The following HAUS3 variants were observed in gnomAD, a reference collection of about 807,000 sequenced individuals.
HAUS3 encodes HAUS augmin-like complex subunit 3.
Under a neutral mutation model 55.2 loss-of-function variants are expected in HAUS3, and 36 were observed. The ratio of observed to expected loss-of-function variants is 0.65; its 90% confidence interval spans 0.50 to 0.86. The LOEUF (loss-of-function observed/expected upper bound fraction) is 0.86, where lower values mean the gene tolerates loss of function less well. Ranked by LOEUF, HAUS3 falls within the 40% of genes least tolerant of loss-of-function variation. The pLI is 0.00. For synonymous variants in HAUS3, 234 were observed against 238.6 expected, an observed-to-expected ratio of 0.98 and a Z score of 0.18; for missense variants, 752 against 671.5, an observed-to-expected ratio of 1.12 and a Z score of -1.33.
chr4:2,242,098 T>G lies in HAUS3; in HGVS notation c.-466A>C. On this transcript the variant is annotated 5_prime_UTR_variant, in exon 1 of 6. Transcript: ENST00000443786. ...TCGCAGGAGCCCGCCGCCACCGCCC[T>G]CCGTGCCCCGCGCGCCTCGCACTGC... The G allele has an allele frequency of 1.2e-5, 12 of 985,868 alleles. No individual in the cohort carries two copies. Among genetic ancestry groups the G allele is most frequent in the Middle Eastern group, 1.0e-3 (2 of 1,918 alleles). The allele number at this position is 985,868 out of a possible 1,614,324, so 61.1% of individuals were successfully genotyped here.
Position 2,241,593 on chromosome 4 carries a change from G to A in HAUS3, c.-221C>T, listed in dbSNP as rs1734990589. The A allele has an allele frequency of 2.2e-5, 22 of 985,584 alleles. No individual in the cohort carries two copies. The highest frequency in any genetic ancestry group is 2.5e-5 in the Non-Finnish European group (21 of 830,148). The allele number at this position is 985,584 out of a possible 1,614,324, so 61.1% of individuals were successfully genotyped here. ...ACGCGGAGAACAGCAGGAGCAGCAG[G>A]GAAGCGCGCGGCCACAATTAAGGGT... On this transcript the variant is annotated 5_prime_UTR_variant, in exon 2 of 6. Coordinates refer to ENST00000443786, the MANE Select transcript of HAUS3 (RefSeq NM_001303143.2).
In HAUS3 at chr4:2,241,049, C is replaced by T; in HGVS notation, c.-103G>A. On this transcript the variant is annotated 5_prime_UTR_variant, in exon 3 of 6. Transcript: ENST00000443786. Reference sequence around the variant, plus strand: ...AAAAAGCTACGTTTTATACCAAGTCCACAGAGAAGGGAAAATATATTTTTA... The same window carrying T: ...AAAAAGCTACGTTTTATACCAAGTCTACAGAGAAGGGAAAATATATTTTTA... 6.2e-6 allele frequency: 5 copies of T among 812,338 alleles called. No homozygotes were observed. In the South Asian group the frequency reaches 6.7e-5, roughly 11 times the overall value. The allele number at this position is 812,338 out of a possible 1,614,324, so 50.3% of individuals were successfully genotyped here.
chr4:2,232,033 T>C lies in HAUS3; in HGVS notation c.1706A>G (p.Glu569Gly). ...TAAAAAATATACATAGAATTCTCTT[T>C]CCATTTGATGTAATTTATTATTTGC... ...TLANNKLHQMEREFYVYFLKD... is the reference protein window; with the variant it reads ...TLANNKLHQMGREFYVYFLKD... Residue 569 changes from glutamate to glycine, a missense_variant, in exon 6 of 6, where the codon GAA (glutamate) becomes GGA (glycine). Physicochemically the swap from Glu to Gly is moderately conservative, Grantham distance 98. Transcript: ENST00000443786. 6.6e-7 allele frequency: 1 copy of C among 1,519,098 alleles called. No individual in the cohort carries two copies. Among genetic ancestry groups the C allele is most frequent in the Non-Finnish European group, 9.1e-7 (1 of 1,099,170 alleles). 94.1% of individuals were successfully genotyped at this position (1,519,098 alleles called of 1,614,324 possible). A position where few individuals can be genotyped will look rare whatever the true frequency, so the allele number is the denominator to read the frequency against.
chr4:2,241,853 G>A lies in HAUS3; in HGVS notation c.-418-63C>T, dbSNP rs965514891. 1.1e-5 allele frequency: 11 copies of A among 985,438 alleles called. No individual in the cohort carries two copies. The African/African-American group carries it at 1.7e-4, about 16-fold the overall frequency. The allele number at this position is 985,438 out of a possible 1,614,324, so 61.0% of individuals were successfully genotyped here. A position where few individuals can be genotyped will look rare whatever the true frequency, so the allele number is the denominator to read the frequency against. ...CGACACCGAGCTGCAGAAGACGGGG[G>A]TGACAGGCCCCGCACAGCCCCCGCC... is the stretch of plus-strand genomic sequence containing the variant. On this transcript the variant is annotated intron_variant, in intron 1 of 5. Transcript: ENST00000443786.
chr4:2,240,906 A>AT lies in HAUS3; in HGVS notation c.40dup (p.Ile14AsnfsTer7), dbSNP rs748396956. Reference sequence around the variant, plus strand: ...AAGATTATCAGCTTTGGGATAACCAATTTTTTTTAATGTTTCCACAAACTC... The same window carrying AT: ...AAGATTATCAGCTTTGGGATAACCAATTTTTTTTTAATGTTTCCACAAACTC... On this transcript the variant is annotated frameshift_variant, in exon 3 of 6. Transcript: ENST00000443786. LOFTEE classifies it high-confidence loss of function. The AT allele has an allele frequency of 1.4e-5, 22 of 1,597,130 alleles. No homozygotes were observed. The highest frequency in any genetic ancestry group is 2.7e-5 in the African/African-American group (2 of 74,084).
At chr4:2,239,974 A>G (rs1255404588) in intron 3 of HAUS3, 64 bp downstream of exon 3, 24 of 1,285,762 alleles carry the variant, frequency 1.9e-5, no homozygotes, top group Non-Finnish European at 2.4e-5. Flanking sequence ...TTTAACAGCA[A>G]TATTATCTCC....
At chr4:2,237,894 T>A (rs1280469325) in intron 4 of HAUS3, among the ~76,000 whole-genome samples, 2 of 152,150 alleles carry the variant, frequency 1.3e-5, no homozygotes, top group Non-Finnish European at 2.9e-5. Context: ...TGCCAATTAG[T>A]CTTATAGATG....
rs772772866 is a variant in HAUS3 at position 2,238,894 on chromosome 4, C to T, written c.1059G>A (p.Lys353=). The T allele has an allele frequency of 6.2e-6, 10 of 1,613,230 alleles. No individual in the cohort carries two copies. The highest frequency in any genetic ancestry group is 1.1e-5 in the South Asian group (1 of 91,000). The change falls in exon 4 of 6, where the codon AAG becomes AAA. Residue 353 remains lysine, a synonymous_variant. Transcript: ENST00000443786. ...NAQLLNMPVV[K]GDFDLQIAKQ... is the part of the protein sequence containing the mutation. The stretch of plus-strand genomic sequence containing the variant: ...TAGCAATCTGCAGATCAAAATCTCC[C>T]TTTACCACTGGCATATTCAATAACT...
At position 2,242,088 on chromosome 4, in the gene HAUS3, G is replaced by A. The variant is rs955459001; in HGVS notation, c.-456C>T. On this transcript the variant is annotated 5_prime_UTR_variant, in exon 1 of 6. Coordinates refer to ENST00000443786, the MANE Select transcript of HAUS3 (RefSeq NM_001303143.2). ...CGCTTGCTTCTCGCAGGAGCCCGCC[G>A]CCACCGCCCTCCGTGCCCCGCGCGC... 2.5e-5 allele frequency: 25 copies of A among 985,786 alleles called. No homozygotes were observed. Among genetic ancestry groups the A allele is most frequent in the Non-Finnish European group, 2.5e-5 (21 of 830,288 alleles). 61.1% of individuals were successfully genotyped at this position (985,786 alleles called of 1,614,324 possible).
At position 2,229,101 on chromosome 4, in the gene HAUS3, T is replaced by C; in HGVS notation, c.*2826A>G. 1 of 1,595,204 alleles carries C rather than the reference T, an allele frequency of 6.3e-7. No homozygotes were observed. Among genetic ancestry groups the C allele is most frequent in the South Asian group, 1.1e-5 (1 of 88,400 alleles). ...AAAGGTTCATAAAAATTACTTACTCTCTGTACTCTTTCCCCAAGTCTTAGA... is the reference window on the plus strand; with the variant it reads ...AAAGGTTCATAAAAATTACTTACTCCCTGTACTCTTTCCCCAAGTCTTAGA... On this transcript the variant is annotated 3_prime_UTR_variant, in exon 6 of 6. Transcript: ENST00000443786.
In HAUS3 at chr4:2,236,274, C is replaced by T; in HGVS notation, c.1532G>A (p.Cys511Tyr). The T allele has an allele frequency of 6.2e-7, 1 of 1,613,598 alleles. No individual in the cohort carries two copies. Among genetic ancestry groups the T allele is most frequent in the Non-Finnish European group, 8.5e-7 (1 of 1,179,824 alleles). The change falls in exon 5 of 6, where the codon TGT (cysteine) becomes TAT (tyrosine). Residue 511 changes from cysteine to tyrosine, a missense_variant. Cys to Tyr is a radical substitution (Grantham distance 194). Transcript: ENST00000443786. ...ATTTCCTCCTTGATACAAAGTATCACAAAGCATGTCCACATCCTTATTCCG... is the reference window on the plus strand; with the variant it reads ...ATTTCCTCCTTGATACAAAGTATCATAAAGCATGTCCACATCCTTATTCCG... ...SKRNKDVDMLCDTLYQGGNQL... is the reference protein window; with the variant it reads ...SKRNKDVDMLYDTLYQGGNQL...
At chr4:2,232,812 A>C (rs1395447395) in intron 5 of HAUS3, among the ~76,000 whole-genome samples, 1 of 152,162 alleles carries the variant, frequency 6.6e-6, no homozygotes, top group African/African-American at 2.4e-5. Context: ...ACAAGTTTCC[A>C]TAGCTTTCTA....
intron 5 of HAUS3, 104 bp downstream of exon 5, chr4:2,236,124 A>G: frequency 1.5e-6 from 1 of 645,650 alleles, no homozygotes. Flanking sequence ...TATTAAGGCA[A>G]TGAAATTGGG....
rs1174102061 is a variant in HAUS3 at position 2,228,374 on chromosome 4, A to ATC, written c.*3552_*3553insGA. On this transcript the variant is annotated 3_prime_UTR_variant, in exon 6 of 6. Coordinates refer to ENST00000443786, the MANE Select transcript of HAUS3 (RefSeq NM_001303143.2). ...TTTTTTTTTTTTTTTTTTTTGAGATAGAGTCTCACTCTGTCGCCCACGCTG... is the reference window on the plus strand; with the variant it reads ...TTTTTTTTTTTTTTTTTTTTGAGATATCGAGTCTCACTCTGTCGCCCACGCTG... 5 of 213,272 alleles carry ATC rather than the reference A, an allele frequency of 2.3e-5. No homozygotes were observed. The allele number at this position is 213,272 out of a possible 1,614,324, so 13.2% of individuals were successfully genotyped here.
At chr4:2,239,800 T>A (rs1320580669) in intron 3 of HAUS3, among the ~76,000 whole-genome samples, 1 of 152,252 alleles carries the variant, frequency 6.6e-6, no homozygotes, top group Non-Finnish European at 1.5e-5. Flanking sequence ...TAAAGCACTT[T>A]TGTTTAAAAT....
Position 2,240,842 on chromosome 4 carries a change from T to C in HAUS3, c.105A>G (p.Glu35=), listed in dbSNP as rs1308705072. The part of the protein sequence containing the change: ...EDFDWLFEGV[E]DESFLKWFCG... ...AAAACCACTTCAGAAACGATTCATC[T>C]TCAACGCCCTCAAACAACCAGTCAA... The change falls in exon 3 of 6, where the codon GAA becomes GAG. Residue 35 remains glutamate (E), a synonymous_variant. Transcript: ENST00000443786. 1.9e-6 allele frequency: 3 copies of C among 1,613,534 alleles called. No homozygotes were observed. Among genetic ancestry groups the C allele is most frequent in the Non-Finnish European group, 2.5e-6 (3 of 1,179,976 alleles).
chr4:2,237,118 A>C (rs997957962), intron 4 of HAUS3, among the ~76,000 whole-genome samples: 1 of 152,090 alleles, frequency 6.6e-6, no homozygotes, highest in African/African-American at 2.4e-5. Flanking sequence ...GATAACCTCC[A>C]AAGAAAACAC....
At chr4:2,232,717 C>T (rs1734627444) in intron 5 of HAUS3, among the ~76,000 whole-genome samples, 1 of 152,152 alleles carries the variant, frequency 6.6e-6, no homozygotes, top group Non-Finnish European at 1.5e-5. Flanking sequence ...AATTTTCCTG[C>T]TCAAGAATCT....
rs1215109921 is a variant in HAUS3 at position 2,241,059 on chromosome 4, G to C, written c.-113C>G. 1.3e-6 allele frequency: 1 copy of C among 750,948 alleles called. No homozygotes were observed. Among genetic ancestry groups the C allele is most frequent in the Admixed American group, 2.8e-5 (1 of 36,174 alleles). The allele number at this position is 750,948 out of a possible 1,614,324, so 46.5% of individuals were successfully genotyped here. On this transcript the variant is annotated 5_prime_UTR_variant, in exon 3 of 6. Transcript: ENST00000443786. ...GTTTTATACCAAGTCCACAGAGAAG[G>C]GAAAATATATTTTTAGAATCTATAA...
Sources: gnomAD v4.1 joint callset for allele counts (sites outside exome capture counted in the v4.1 genomes callset) on GRCh38, gnomAD v4.1.1 for gene constraint, MANE v1.5 for transcripts, NCBI Gene and HGNC (gene_info 2026-07-23, HGNC 2026-07-21) for gene names.